STAC: variants seen among roughly 807,000 people sequenced by gnomAD.
The protein encoded by STAC is SH3 and cysteine rich domain.
Under a neutral mutation model 48.8 loss-of-function variants are expected in STAC, and 43 were observed. The ratio of observed to expected loss-of-function variants is 0.88; its 90% CI spans 0.69 to 1.14. The LOEUF (loss-of-function observed/expected upper bound fraction) is 1.14, where lower values mean the gene tolerates loss of function less well. Among genes scored for constraint, STAC ranks in the 50% most tolerant of loss-of-function variants. STAC has a pLI of 0.00. For synonymous variants in STAC, 193 were observed against 179.5 expected (o/e 1.07, Z -0.60); for missense variants, 497 against 504.0 (o/e 0.99, Z 0.13).
intron 1 of STAC, among the ~76,000 whole-genome samples, chr3:36,435,420 C>T (rs928982589): frequency 6.6e-5 from 10 of 152,156 alleles, no homozygotes; most frequent in African/African-American, 1.7e-4. Context: ...CCCTTCTTCT[C>T]AACTACCCAC....
At chr3:36,385,832 T>C (rs1699605150) in intron 1 of STAC, among the ~76,000 whole-genome samples, 1 of 152,106 alleles carries the variant, frequency 6.6e-6, no homozygotes, top group Admixed American at 6.5e-5. Flanking sequence ...ATAGTTTTCA[T>C]TTTTATTACC....
intron 2 of STAC, among the ~76,000 whole-genome samples, chr3:36,455,974 G>T (rs1696844156): frequency 6.6e-6 from 1 of 152,086 alleles, no homozygotes; most frequent in Non-Finnish European, 1.5e-5. Context: ...TGGCAACCCT[G>T]CAGCCCCTGC....
chr3:36,436,411 C>T (rs1295631076), intron 1 of STAC, among the ~76,000 whole-genome samples: 1 of 151,874 alleles, frequency 6.6e-6, no homozygotes, highest in East Asian at 1.9e-4. Flanking sequence ...AATTCCAAAG[C>T]CCATGCCATG....
chr3:36,419,780 C>G (rs1211448884), intron 1 of STAC, among the ~76,000 whole-genome samples: 1 of 152,162 alleles, frequency 6.6e-6, no homozygotes, highest in Admixed American at 6.5e-5. Flanking sequence ...CAACCTCATC[C>G]TGTGCTTTGG....
At chr3:36,461,752 C>G (rs1034790009) in intron 2 of STAC, among the ~76,000 whole-genome samples, 2 of 152,098 alleles carry the variant, frequency 1.3e-5, no homozygotes, top group Non-Finnish European at 2.9e-5. Flanking sequence ...AATGAAACAG[C>G]TAGAGCAAAC....
At chr3:36,456,540 A>G (rs1162243342) in intron 2 of STAC, among the ~76,000 whole-genome samples, 1 of 152,126 alleles carries the variant, frequency 6.6e-6, no homozygotes, top group Admixed American at 6.6e-5. Flanking sequence ...TATAGGGACC[A>G]TGCGAAGCTG....
At chr3:36,512,791 T>TA (rs1020966521) in intron 8 of STAC, among the ~76,000 whole-genome samples, 1 of 152,210 alleles carries the variant, frequency 6.6e-6, no homozygotes, top group African/African-American at 2.4e-5. Flanking sequence ...TACTTTTTTT[T>TA]ATTTTTTTGC....
intron 2 of STAC, among the ~76,000 whole-genome samples, chr3:36,467,576 T>A (rs191904594): frequency 1.8e-3 from 270 of 152,108 alleles, no homozygotes; most frequent in African/African-American, 6.2e-3. Flanking sequence ...TCTAAGAGGG[T>A]TGTATATTTC....
chr3:36,502,488 C>T (rs1698303801), intron 6 of STAC, among the ~76,000 whole-genome samples: 1 of 152,108 alleles, frequency 6.6e-6, no homozygotes, highest in Non-Finnish European at 1.5e-5. Flanking sequence ...AGATGATACA[C>T]ATTTTGAGCC....
At chr3:36,508,101 G>C (rs561737799) in intron 8 of STAC, among the ~76,000 whole-genome samples, 1 of 152,148 alleles carries the variant, frequency 6.6e-6, no homozygotes, top group Non-Finnish European at 1.5e-5. Flanking sequence ...CTGTGTCACA[G>C]AGATTCTGGT....
chr3:36,529,080 C>G, intron 10 of STAC, 95 bp downstream of exon 10: 1 of 1,244,930 alleles, frequency 8.0e-7, no homozygotes, highest in Non-Finnish European at 1.1e-6. Flanking sequence ...TGAGTGGGGT[C>G]ACATTCAAAG....
At chr3:36,435,528 A>G (rs1177790119) in intron 1 of STAC, among the ~76,000 whole-genome samples, 1 of 152,068 alleles carries the variant, frequency 6.6e-6, no homozygotes, top group African/African-American at 2.4e-5. Context: ...TGACAGAAAA[A>G]AAAAACTCCC....
At chr3:36,426,876 T>G (rs1472089649) in intron 1 of STAC, among the ~76,000 whole-genome samples, 5 of 152,206 alleles carry the variant, frequency 3.3e-5, no homozygotes, top group Non-Finnish European at 7.3e-5. Context: ...CGACATTTTG[T>G]GAAGGTCTCA....
chr3:36,430,977 G>T (rs1441449609), intron 1 of STAC, among the ~76,000 whole-genome samples: 1 of 152,146 alleles, frequency 6.6e-6, no homozygotes, highest in East Asian at 1.9e-4. Context: ...ATCAACATAA[G>T]AATTTGAGGA....
At chr3:36,424,091 A>G (rs1246925940) in intron 1 of STAC, among the ~76,000 whole-genome samples, 1 of 152,184 alleles carries the variant, frequency 6.6e-6, no homozygotes, top group Non-Finnish European at 1.5e-5. Flanking sequence ...AAAATGGATG[A>G]CAGGCAGCAT....
chr3:36,494,348 G>T (rs911263767), intron 6 of STAC, among the ~76,000 whole-genome samples: 16 of 152,248 alleles, frequency 1.1e-4, no homozygotes, highest in African/African-American at 3.9e-4. Flanking sequence ...AGTCCTGCAG[G>T]ACCTGAGTTG....
At chr3:36,508,540 A>T (rs1698459564) in intron 8 of STAC, among the ~76,000 whole-genome samples, 1 of 152,132 alleles carries the variant, frequency 6.6e-6, no homozygotes, top group South Asian at 2.1e-4. Context: ...TCCCACTATT[A>T]TTGTATGGGA....
At chr3:36,451,678 T>C (rs987574844) in intron 2 of STAC, among the ~76,000 whole-genome samples, 2 of 152,244 alleles carry the variant, frequency 1.3e-5, no homozygotes, top group Non-Finnish European at 2.9e-5. Flanking sequence ...TTTTGATACA[T>C]GCATACAGTG....
intron 1 of STAC, among the ~76,000 whole-genome samples, chr3:36,426,086 A>C (rs768580822): frequency 9.2e-5 from 14 of 152,188 alleles, no homozygotes; most frequent in Non-Finnish European, 1.8e-4. Flanking sequence ...TATTTCAGAT[A>C]ATGTATTACT....
Sources: gnomAD v4.1 joint callset for allele counts (sites outside exome capture counted in the v4.1 genomes callset) on GRCh38, gnomAD v4.1.1 for gene constraint, MANE v1.5 for transcripts, NCBI Gene and HGNC (gene_info 2026-07-23, HGNC 2026-07-21) for gene names.